LDLRAD4: variants seen among roughly 807,000 people sequenced by gnomAD.
LDLRAD4 encodes low-density lipoprotein receptor class A domain-containing protein 4.
In LDLRAD4, 5 loss-of-function variants were observed where a neutral mutation model predicts 17.0. The ratio of observed to expected loss-of-function variants is 0.29; its 90% CI spans 0.15 to 0.62. The LOEUF is 0.62. Among genes scored for constraint, LDLRAD4 ranks in the 20% least tolerant of loss-of-function variants. The pLI, the probability that LDLRAD4 is intolerant of heterozygous loss-of-function variation, is 0.84. For synonymous variants in LDLRAD4, 168 were observed against 171.8 expected (o/e 0.98, Z 0.17); for missense variants, 340 against 424.7 (o/e 0.80, Z 1.75).
At position 13,605,605 on chromosome 18, in the gene LDLRAD4, G is replaced by C. The variant is rs534476280; in HGVS notation, c.182-15512G>C. Among the ~76,000 whole-genome samples, 3 of 152,150 alleles carry C rather than the reference G, an allele frequency of 2.0e-5. No homozygotes were observed. The South Asian group carries it at 6.2e-4, about 32-fold the overall frequency. On this transcript the variant is annotated intron_variant, in intron 3 of 5. Transcript: ENST00000359446. ...TAACCCCTGCTGGTTCTCCTGAAAG[G>C]TGCAGGTAGATCAATCATGACCCAT...
At chr18:13,524,772 C>T (rs2094004812) in intron 3 of LDLRAD4, among the ~76,000 whole-genome samples, 1 of 152,188 alleles carries the variant, frequency 6.6e-6, no homozygotes, top group Admixed American at 6.5e-5. Flanking sequence ...ATGCAGGGTC[C>T]CCAGAATGGA....
At chr18:13,278,562 CTGTCTCAT>C (rs2045040537) in intron 1 of LDLRAD4, among the ~76,000 whole-genome samples, 1 of 152,226 alleles carries the variant, frequency 6.6e-6, no homozygotes, top group Admixed American at 6.5e-5. Context: ...GATGCTTATT[CTGTCTCAT>C]TGTCAGGCTT....
chr18:13,620,944 G>A lies in LDLRAD4; in HGVS notation c.182-173G>A, dbSNP rs73954882. ...GTTTGCACAGCCTCCCGACTGTGCCGTGGTGTCTCCTTCCCTAAAGTGGGA... is the reference window on the plus strand; with the variant it reads ...GTTTGCACAGCCTCCCGACTGTGCCATGGTGTCTCCTTCCCTAAAGTGGGA... On this transcript the variant is annotated intron_variant, in intron 3 of 5. Coordinates refer to ENST00000359446, the Ensembl canonical transcript of LDLRAD4. 2,289 of 893,350 alleles carry A rather than the reference G, an allele frequency of 2.6e-3. 42 individuals carry two copies. In the African/African-American group the frequency reaches 0.034, roughly 13 times the overall value. 55.3% of individuals were successfully genotyped at this position (893,350 alleles called of 1,614,324 possible). A position where few individuals can be genotyped will look rare whatever the true frequency, so the allele number is the denominator to read the frequency against.
chr18:13,387,627 T>C (rs9957861), exon 2 of LDLRAD4: 96,479 of 1,142,624 alleles, frequency 0.084, 7,085 homozygotes, highest in African/African-American at 0.31. Flanking sequence ...GCGATGGACT[T>C]GGACAGGCTA....
intron 1 of LDLRAD4, among the ~76,000 whole-genome samples, chr18:13,261,774 G>C (rs1471435091): frequency 6.6e-6 from 1 of 152,250 alleles, no homozygotes; most frequent in Non-Finnish European, 1.5e-5. Flanking sequence ...CCCGGCTGCA[G>C]GCAGCATGCC....
intron 1 of LDLRAD4, among the ~76,000 whole-genome samples, chr18:13,359,570 G>T (rs1406961211): frequency 1.3e-5 from 2 of 151,928 alleles, no homozygotes; most frequent in East Asian, 3.8e-4. Flanking sequence ...TGTTCCATTT[G>T]CTATGTAATA....
intron 1 of LDLRAD4, among the ~76,000 whole-genome samples, chr18:13,353,840 G>C (rs901804671): frequency 6.6e-6 from 1 of 152,194 alleles, no homozygotes; most frequent in African/African-American, 2.4e-5. Context: ...TCTTCAGTAG[G>C]CATTTGCTTA....
chr18:13,347,296 G>T (rs1335815666), intron 1 of LDLRAD4, among the ~76,000 whole-genome samples: 1 of 152,162 alleles, frequency 6.6e-6, no homozygotes, highest in Non-Finnish European at 1.5e-5. Context: ...GCATTTGCTT[G>T]TCTGTAAAGT....
intron 4 of LDLRAD4, among the ~76,000 whole-genome samples, chr18:13,623,025 T>C (rs1047221904): frequency 6.6e-6 from 1 of 152,230 alleles, no homozygotes; most frequent in African/African-American, 2.4e-5. Context: ...CTCCTTGCTC[T>C]GTTCCTGGTG....
At chr18:13,374,830 A>G (rs561263897) in intron 1 of LDLRAD4, among the ~76,000 whole-genome samples, 128 of 152,294 alleles carry the variant, frequency 8.4e-4, no homozygotes, top group Middle Eastern at 6.8e-3. Flanking sequence ...AGCTGCTGGG[A>G]GCCTCATCTT....
chr18:13,251,270 C>T (rs1009596489), intron 1 of LDLRAD4, among the ~76,000 whole-genome samples: 8 of 152,178 alleles, frequency 5.3e-5, no homozygotes, highest in Admixed American at 1.3e-4. Context: ...CAGCTGACAT[C>T]GTACTAAATG....
At chr18:13,392,648 TTGC>T (rs1431619620) in intron 2 of LDLRAD4, among the ~76,000 whole-genome samples, 1 of 152,182 alleles carries the variant, frequency 6.6e-6, no homozygotes, top group Non-Finnish European at 1.5e-5. Flanking sequence ...CCTAAAGAGG[TTGC>T]TGGCTTGAGA....
chr18:13,553,952 C>G (rs554005937), intron 3 of LDLRAD4, among the ~76,000 whole-genome samples: 1 of 152,290 alleles, frequency 6.6e-6, no homozygotes. Context: ...CCTCCCCATC[C>G]AAGGCTCTCT....
intron 1 of LDLRAD4, among the ~76,000 whole-genome samples, chr18:13,238,642 C>T (rs986381997): frequency 5.9e-5 from 9 of 152,182 alleles, no homozygotes; most frequent in Admixed American, 5.2e-4. Flanking sequence ...TCCTGCCAGC[C>T]TGGGTTCACA....
At chr18:13,331,490 T>C (rs771116225) in intron 1 of LDLRAD4, among the ~76,000 whole-genome samples, 1 of 152,248 alleles carries the variant, frequency 6.6e-6, no homozygotes. Context: ...GTAACTGTTA[T>C]CTGACCACAT....
intron 1 of LDLRAD4, among the ~76,000 whole-genome samples, chr18:13,325,591 C>T (rs536471034): frequency 6.6e-6 from 1 of 152,260 alleles, no homozygotes; most frequent in South Asian, 2.1e-4. Flanking sequence ...TGCTCAGTGC[C>T]TCCTCTACTC....
intron 3 of LDLRAD4, among the ~76,000 whole-genome samples, chr18:13,509,889 A>G (rs1379055087): frequency 6.6e-6 from 1 of 152,206 alleles, no homozygotes; most frequent in African/African-American, 2.4e-5. Context: ...AAAGATTACA[A>G]CACAATGAAG....
exon 6 of LDLRAD4, chr18:13,649,451 G>C (rs1293663461): frequency 6.6e-6 from 1 of 152,242 alleles, no homozygotes; most frequent in Admixed American, 6.5e-5. Flanking sequence ...CTCTGGTGCA[G>C]AGCACTTCAA....
At chr18:13,517,769 C>T (rs965084462) in intron 3 of LDLRAD4, among the ~76,000 whole-genome samples, 2 of 151,756 alleles carry the variant, frequency 1.3e-5, no homozygotes, top group African/African-American at 2.4e-5. Context: ...GATGGAGTCT[C>T]GCTCTGTCGC....
Sources: gnomAD v4.1 joint callset for allele counts (sites outside exome capture counted in the v4.1 genomes callset) on GRCh38, gnomAD v4.1.1 for gene constraint, MANE v1.5 for transcripts, NCBI Gene and HGNC (gene_info 2026-07-23, HGNC 2026-07-21) for gene names.